Variants in OPRK1 observed in about 807,000 individuals in gnomAD.
OPRK1 encodes kappa-type opioid receptor.
OPRK1 carries 15 observed loss-of-function variants against 24.5 expected under a neutral mutation model. The ratio of observed to expected loss-of-function variants is 0.61; its 90% CI spans 0.41 to 0.94. OPRK1 has a LOEUF of 0.94. OPRK1 is among the 40% of genes least tolerant of loss of function. The pLI, the probability that OPRK1 is intolerant of heterozygous loss-of-function variation, is 0.00. For synonymous variants in OPRK1, 205 were observed against 198.0 expected, an observed-to-expected ratio of 1.04 and a Z score of -0.30; for missense variants, 479 against 507.3, an observed-to-expected ratio of 0.94 and a Z score of 0.54.
intron 3 of OPRK1, 126 bp from the exon 4 acceptor site, chr8:53,229,955 T>A: frequency 1.2e-6 from 1 of 844,598 alleles, no homozygotes; most frequent in Non-Finnish European, 1.8e-6. Context: ...AAGATGACAT[T>A]ACCTGAAGTA....
rs1806951235 is a variant in OPRK1, at chr8:53,234,870, A to G, written c.499T>C (p.Leu167=). Residue 167 remains leucine (L), a synonymous_variant, in exon 3 of 4, where the codon TTG becomes CTG. Transcript: ENST00000265572. The stretch of plus-strand genomic sequence containing the variant: ...GCCTTCAAGGGTGTGCGGAAGTCCA[A>G]AGCCTTCACGGGGTGGCACACGGCA... ...YIAVCHPVKA[L]DFRTPLKAKI... The G allele has an allele frequency of 6.2e-7, 1 of 1,614,066 alleles. No individual in the cohort carries two copies. The highest frequency in any genetic ancestry group is 1.7e-5 in the Admixed American group (1 of 60,000).
intron 2 of OPRK1, among the ~76,000 whole-genome samples, chr8:53,239,629 T>C (rs1807070184): frequency 6.6e-6 from 1 of 152,236 alleles, no homozygotes; most frequent in East Asian, 1.9e-4. Flanking sequence ...GGGAATTCCA[T>C]ATTATCTGAT....
rs200631270 is a variant in OPRK1 at position 53,229,108 on chromosome 8, C to T, written c.*189G>A. On this transcript the variant is annotated 3_prime_UTR_variant, in exon 4 of 4. Transcript: ENST00000265572. ...GAAGAGGTGCATGTGTTGCGTGGACCTTTTGTCCTTGATGTTTCCACTGAT... is the reference window on the plus strand; with the variant it reads ...GAAGAGGTGCATGTGTTGCGTGGACTTTTTGTCCTTGATGTTTCCACTGAT... The T allele has an allele frequency of 6.3e-6, 4 of 630,750 alleles. No individual in the cohort carries two copies. Among genetic ancestry groups the T allele is most frequent in the African/African-American group, 1.8e-5 (1 of 54,222 alleles). 39.1% of individuals were successfully genotyped at this position (630,750 alleles called of 1,614,324 possible). A position where few individuals can be genotyped will look rare whatever the true frequency, so the allele number is the denominator to read the frequency against.
chr8:53,240,076 C>T (rs149490344), intron 2 of OPRK1, among the ~76,000 whole-genome samples: 1 of 152,254 alleles, frequency 6.6e-6, no homozygotes, highest in East Asian at 1.9e-4. Flanking sequence ...GCATGAGAAA[C>T]AGGGCAAGGT....
intron 2 of OPRK1, among the ~76,000 whole-genome samples, chr8:53,235,625 A>G (rs1806972439): frequency 1.3e-5 from 2 of 152,192 alleles, no homozygotes; most frequent in Non-Finnish European, 2.9e-5. Context: ...CTGAAACACA[A>G]TTAGGTTTGC....
Position 53,234,618 on chromosome 8 carries a change from C to T in OPRK1, c.610+141G>A, listed in dbSNP as rs1315703107. The T allele has an allele frequency of 2.5e-5, 17 of 685,242 alleles. No individual in the cohort carries two copies. The South Asian group carries it at 2.7e-4, about 11-fold the overall frequency. The allele number at this position is 685,242 out of a possible 1,614,324, so 42.4% of individuals were successfully genotyped here. Reference sequence around the variant, plus strand: ...GACACAAAATTGTTCTACTTCTCATCTTCCATGGATTTAGGCACTACATTT... The same window carrying T: ...GACACAAAATTGTTCTACTTCTCATTTTCCATGGATTTAGGCACTACATTT... On this transcript the variant is annotated intron_variant, in intron 3 of 3. Coordinates refer to ENST00000265572, the MANE Select transcript of OPRK1 (RefSeq NM_000912.5).
chr8:53,241,811 G>A (rs1053390360), intron 2 of OPRK1, among the ~76,000 whole-genome samples: 1 of 152,216 alleles, frequency 6.6e-6, no homozygotes, highest in Non-Finnish European at 1.5e-5. Flanking sequence ...CCCCGCGCAG[G>A]TGCAGGCTAC....
At chr8:53,232,267 A>G (rs1252849838) in intron 3 of OPRK1, among the ~76,000 whole-genome samples, 2 of 152,130 alleles carry the variant, frequency 1.3e-5, no homozygotes, top group African/African-American at 4.8e-5. Context: ...AGGGGGATAT[A>G]CAGGGGTTGG....
intron 3 of OPRK1, among the ~76,000 whole-genome samples, chr8:53,231,573 G>C (rs1462675274): frequency 3.3e-5 from 5 of 152,126 alleles, no homozygotes; most frequent in Non-Finnish European, 5.9e-5. Context: ...ACAGAAGCCT[G>C]TCTGATCTGT....
chr8:53,228,892 T>A lies in OPRK1; in HGVS notation c.*405A>T, dbSNP rs988079354. Reference sequence around the variant, plus strand: ...TGCTGTCATTGTGAAACATCTGGATTGGATGCCCATTGAGCTCTGAAAGCA... The same window carrying A: ...TGCTGTCATTGTGAAACATCTGGATAGGATGCCCATTGAGCTCTGAAAGCA... On this transcript the variant is annotated 3_prime_UTR_variant, in exon 4 of 4. Coordinates refer to ENST00000265572, the MANE Select transcript of OPRK1 (RefSeq NM_000912.5). 12 of 163,410 alleles carry A rather than the reference T, an allele frequency of 7.3e-5. No homozygotes were observed. Among genetic ancestry groups the A allele is most frequent in the African/African-American group, 2.9e-4 (12 of 41,584 alleles). 10.1% of individuals were successfully genotyped at this position (163,410 alleles called of 1,614,324 possible).
chr8:53,243,632 A>G (rs771590366), intron 2 of OPRK1, among the ~76,000 whole-genome samples: 1 of 152,184 alleles, frequency 6.6e-6, no homozygotes, highest in Non-Finnish European at 1.5e-5. Flanking sequence ...GGGAGAAAAT[A>G]ATTTGGCTAA....
rs145989624 is a variant in OPRK1, at chr8:53,245,920, C to G, written c.257+4861G>C. ...GATCCCTGAGGAAGAAGAAATTCTG[C>G]CTGGAGAGCAGCAGCTTGTCTCTCC... On this transcript the variant is annotated intron_variant, in intron 2 of 3. Coordinates refer to ENST00000265572, the MANE Select transcript of OPRK1 (RefSeq NM_000912.5). Among the ~76,000 whole-genome samples, 441 of 152,260 alleles carry G rather than the reference C, an allele frequency of 2.9e-3. 3 individuals are homozygous for G. Among genetic ancestry groups the G allele is most frequent in the African/African-American group, 1.0e-2 (415 of 41,538 alleles).
At chr8:53,241,145 C>T (rs761176202) in intron 2 of OPRK1, among the ~76,000 whole-genome samples, 9 of 152,110 alleles carry the variant, frequency 5.9e-5, no homozygotes, top group Non-Finnish European at 1.3e-4. Context: ...TATATGGGAA[C>T]TGTAACTTCC....
intron 2 of OPRK1, among the ~76,000 whole-genome samples, chr8:53,245,304 G>A (rs912266908): frequency 6.6e-6 from 1 of 152,160 alleles, no homozygotes; most frequent in African/African-American, 2.4e-5. Flanking sequence ...AAGAAGAAGA[G>A]ATTAAGACAC....
Position 53,234,894 on chromosome 8 carries a change from C to A in OPRK1, c.475G>T (p.Ala159Ser). The change falls in exon 3 of 4, where the codon GCC becomes TCC. Residue 159 changes from alanine (A) to serine (S), a missense_variant. Transcript: ENST00000265572. ...LTMMSVDRYI[A>S]VCHPVKALDF... Reference sequence around the variant, plus strand: ...AAAGCCTTCACGGGGTGGCACACGGCAATGTAGCGGTCCACGCTCATCATG... The same window carrying A: ...AAAGCCTTCACGGGGTGGCACACGGAAATGTAGCGGTCCACGCTCATCATG... 1 of 1,614,116 alleles carries A rather than the reference C, an allele frequency of 6.2e-7. No homozygotes were observed. Among genetic ancestry groups the A allele is most frequent in the Non-Finnish European group, 8.5e-7 (1 of 1,180,030 alleles).
intron 2 of OPRK1, among the ~76,000 whole-genome samples, chr8:53,236,971 C>T (rs531051671): frequency 1.1e-4 from 16 of 152,162 alleles, no homozygotes; most frequent in South Asian, 8.3e-4. Context: ...TTCAAACTAA[C>T]GAGTATATTT....
At chr8:53,251,183 G>C (rs1585527829) in intron 1 of OPRK1, 98 bp from the exon 2 acceptor site, 4 of 1,311,182 alleles carry the variant, frequency 3.1e-6, no homozygotes. Context: ...ACTCCCACCC[G>C]GGCCGCAAGT....
At position 53,250,871 on chromosome 8, in the gene OPRK1, G is replaced by A. The variant is rs201880209; in HGVS notation, c.167C>T (p.Pro56Leu). ...DAQLEPAHIS[P>L]AIPVIITAVY... is the part of the protein sequence containing the mutation. ...CGCCGTGATGATGACCGGGATGGCC[G>A]GGGAGATGTGCGCGGGCTCCAGCTG... The change falls in exon 2 of 4, where the codon CCG becomes CTG. Residue 56 changes from proline (P) to leucine (L), a missense_variant. Pro to Leu is a moderately conservative substitution (Grantham distance 98). Transcript: ENST00000265572. 11 of 1,613,128 alleles carry A rather than the reference G, an allele frequency of 6.8e-6. No homozygotes were observed. The highest frequency in any genetic ancestry group is 8.5e-6 in the Non-Finnish European group (10 of 1,179,736).
At chr8:53,247,990 CAAAAAAAAAA>C (rs767911838) in intron 2 of OPRK1, among the ~76,000 whole-genome samples, 138 of 32,362 alleles carry the variant, frequency 4.3e-3, no homozygotes, top group Non-Finnish European at 6.7e-3. Flanking sequence ...GATTCTGTCT[CAAAAAAAAAA>C]AAAAAAAAAA....
Sources: allele counts gnomAD v4.1 joint callset (sites outside exome capture counted in the v4.1 genomes callset), GRCh38; gene constraint gnomAD v4.1.1; transcripts MANE v1.5; gene names NCBI Gene and HGNC (gene_info 2026-07-23, HGNC 2026-07-21).